The following RAB7A variants were observed in gnomAD, a reference collection of about 807,000 sequenced individuals.
RAB7A encodes RAB7A, member RAS oncogene family.
RAB7A carries 2 observed loss-of-function variants against 24.5 expected under a neutral mutation model. That is an observed-to-expected ratio of 0.08 (90% CI 0.03 to 0.26). The LOEUF (loss-of-function observed/expected upper bound fraction) is 0.26, where lower values mean the gene tolerates loss of function less well. Among genes scored for constraint, RAB7A ranks in the 10% least tolerant of loss-of-function variants. The probability of loss-of-function intolerance (pLI) is 1.00; values close to 1 mark genes in which losing one functional copy is unlikely to be tolerated. For synonymous variants in RAB7A, 100 were observed against 95.9 expected, an observed-to-expected ratio of 1.04 and a Z score of -0.25; for missense variants, 118 against 255.7, an observed-to-expected ratio of 0.46 and a Z score of 3.67.
chr3:128,773,050 C>T (rs1932991573), intron 1 of RAB7A, among the ~76,000 whole-genome samples: 2 of 152,266 alleles, frequency 1.3e-5, no homozygotes, highest in African/African-American at 2.4e-5. Flanking sequence ...CCTGGCTGCC[C>T]ATCGTCTGGG....
At position 128,785,684 on chromosome 3, in the gene RAB7A, A is replaced by T. The variant is rs1042030463; in HGVS notation, c.-8-9676A>T. On this transcript the variant is annotated intron_variant, in intron 1 of 5. Coordinates refer to ENST00000265062, the MANE Select transcript of RAB7A (RefSeq NM_004637.6). ...GAGTTGCCTGAACCCTGGAGGGGGA[A>T]GTTGCAGTGAACAGAGATCGCGCCA... Among the ~76,000 whole-genome samples the T allele has an allele frequency of 6.0e-5, 9 of 150,506 alleles. No individual in the cohort carries two copies. The Admixed American group carries it at 6.0e-4, about 10-fold the overall frequency.
Position 128,758,164 on chromosome 3 carries a change from A to G in RAB7A, c.-9+31805A>G, listed in dbSNP as rs191251495. 1.2e-3 allele frequency among the ~76,000 whole-genome samples: 176 copies of G among 151,002 alleles called. 2 individuals carry two copies. The highest frequency in any genetic ancestry group is 0.01 in the Middle Eastern group (3 of 294). On this transcript the variant is annotated intron_variant, in intron 1 of 5. Transcript: ENST00000265062. ...TTTTTTGTAGAGGCAGCCTCTCACTATATTGGTTAGGCTGGATTTGAATTT... is the reference window on the plus strand; with the variant it reads ...TTTTTTGTAGAGGCAGCCTCTCACTGTATTGGTTAGGCTGGATTTGAATTT...
intron 2 of RAB7A, among the ~76,000 whole-genome samples, chr3:128,796,467 T>C (rs1419702260): frequency 1.3e-5 from 2 of 152,100 alleles, no homozygotes; most frequent in African/African-American, 4.8e-5. Flanking sequence ...ATAAAAAGAT[T>C]CTGTGGTAGG....
At chr3:128,812,464 T>C (rs903027516) in intron 5 of RAB7A, among the ~76,000 whole-genome samples, 2 of 152,238 alleles carry the variant, frequency 1.3e-5, no homozygotes, top group East Asian at 1.9e-4. Context: ...TATACTTTTA[T>C]AGTTATTGTG....
At chr3:128,801,384 GTAA>G (rs1933695048) in intron 3 of RAB7A, among the ~76,000 whole-genome samples, 1 of 17,290 alleles carries the variant, frequency 5.8e-5, no homozygotes, top group Admixed American at 5.1e-4. Flanking sequence ...ATCACAAAAA[GTAA>G]TAATAAGAGG....
intron 1 of RAB7A, among the ~76,000 whole-genome samples, chr3:128,746,344 C>T (rs995234930): frequency 6.6e-6 from 1 of 152,094 alleles, no homozygotes; most frequent in African/African-American, 2.4e-5. Flanking sequence ...TCAATCATAG[C>T]TCACTGCAGC....
At chr3:128,764,208 G>A (rs1244423888) in intron 1 of RAB7A, among the ~76,000 whole-genome samples, 2 of 152,066 alleles carry the variant, frequency 1.3e-5, no homozygotes, top group Non-Finnish European at 2.9e-5. Context: ...AGTCACCTCA[G>A]TGTGAGTGAT....
rs868361249 is a variant in RAB7A, at chr3:128,813,904, C to G, written c.*482C>G. 4.2e-6 allele frequency: 1 copy of G among 240,812 alleles called. No individual in the cohort carries two copies. The highest frequency in any genetic ancestry group is 8.4e-6 in the Non-Finnish European group (1 of 119,384). 14.9% of individuals were successfully genotyped at this position (240,812 alleles called of 1,614,324 possible). Reference sequence around the variant, plus strand: ...GGCTACCCCTTGGGAAGGCTGGTGCCCCATGCCCCATTACAGGCTCACACC... The same window carrying G: ...GGCTACCCCTTGGGAAGGCTGGTGCGCCATGCCCCATTACAGGCTCACACC... On this transcript the variant is annotated 3_prime_UTR_variant, in exon 6 of 6. Transcript: ENST00000265062.
At chr3:128,776,367 T>C (rs1384581958) in intron 1 of RAB7A, among the ~76,000 whole-genome samples, 3 of 152,070 alleles carry the variant, frequency 2.0e-5, no homozygotes, top group Admixed American at 6.6e-5. Context: ...TCTCCCAGGC[T>C]CAAGTGATCC....
chr3:128,741,305 A>T (rs1251038468), intron 1 of RAB7A, among the ~76,000 whole-genome samples: 1 of 152,088 alleles, frequency 6.6e-6, no homozygotes, highest in Non-Finnish European at 1.5e-5. Context: ...TTCTGTAGTC[A>T]CATCTGTCAA....
intron 1 of RAB7A, among the ~76,000 whole-genome samples, chr3:128,784,328 C>A (rs1045665522): frequency 6.6e-6 from 1 of 152,216 alleles, no homozygotes; most frequent in Non-Finnish European, 1.5e-5. Flanking sequence ...CGTTTTCCCT[C>A]ATTTCCCATA....
chr3:128,774,171 A>G (rs1215947958), intron 1 of RAB7A, among the ~76,000 whole-genome samples: 1 of 148,182 alleles, frequency 6.7e-6, no homozygotes, highest in African/African-American at 2.5e-5. Context: ...TATTCCCCTA[A>G]TATATGTATT....
chr3:128,769,563 T>C (rs1423304526), intron 1 of RAB7A, among the ~76,000 whole-genome samples: 2 of 152,244 alleles, frequency 1.3e-5, no homozygotes, highest in Non-Finnish European at 2.9e-5. Context: ...TCCAAATATT[T>C]TCTCTCAGTC....
At chr3:128,794,853 G>T (rs1040642891) in intron 1 of RAB7A, among the ~76,000 whole-genome samples, 3 of 151,962 alleles carry the variant, frequency 2.0e-5, no homozygotes, top group African/African-American at 7.3e-5. Flanking sequence ...TCTTCATGGA[G>T]ATTGTTAGAA....
At chr3:128,738,927 C>A (rs976961347) in intron 1 of RAB7A, among the ~76,000 whole-genome samples, 2 of 152,190 alleles carry the variant, frequency 1.3e-5, no homozygotes, top group African/African-American at 4.8e-5. Flanking sequence ...CATAGTATGG[C>A]TGTCAAATCT....
At chr3:128,807,455 C>T (rs1254751548) in intron 4 of RAB7A, 88 bp from the exon 5 acceptor site, 14 of 1,588,608 alleles carry the variant, frequency 8.8e-6, no homozygotes, top group East Asian at 2.2e-5. Flanking sequence ...TACCTGTAGA[C>T]GAGGGGCCAT....
chr3:128,743,989 A>G (rs1049716049), intron 1 of RAB7A, among the ~76,000 whole-genome samples: 2 of 151,614 alleles, frequency 1.3e-5, no homozygotes, highest in South Asian at 4.2e-4. Flanking sequence ...GGGTTTCACC[A>G]TGTTGGCCAG....
chr3:128,788,939 A>C (rs1933396158), intron 1 of RAB7A, among the ~76,000 whole-genome samples: 1 of 152,190 alleles, frequency 6.6e-6, no homozygotes, highest in African/African-American at 2.4e-5. Context: ...ACTGCAGGCG[A>C]ATAAAGGAAG....
At chr3:128,764,818 G>T in intron 1 of RAB7A, 1 of 940,816 alleles carries the variant, frequency 1.1e-6, no homozygotes, top group Non-Finnish European at 1.7e-6. Context: ...CAGTTTCTCG[G>T]CATGTTCCCT....
Sources: allele counts gnomAD v4.1 joint callset (sites outside exome capture counted in the v4.1 genomes callset), GRCh38; gene constraint gnomAD v4.1.1; transcripts MANE v1.5; gene names NCBI Gene and HGNC (gene_info 2026-07-23, HGNC 2026-07-21).